Variants in ADK observed in about 807,000 individuals in gnomAD.
ADK encodes adenosine kinase.
A neutral mutation model predicts 44.7 loss-of-function variants in ADK; 24 were observed. The observed-to-expected ratio is 0.54, with a 90% CI of 0.39 to 0.76. The LOEUF is 0.76. ADK is among the 30% of genes least tolerant of loss of function. ADK has a pLI of 0.00. For synonymous variants in ADK, 128 were observed against 142.6 expected (o/e 0.90, Z 0.73); for missense variants, 321 against 425.1 (o/e 0.76, Z 2.15).
chr10:74,425,664 T>C (rs1844767797), intron 6 of ADK, among the ~76,000 whole-genome samples: 1 of 152,252 alleles, frequency 6.6e-6, no homozygotes, highest in African/African-American at 2.4e-5. Context: ...GCCAGTTCTG[T>C]ACATGGCTGT....
At chr10:74,629,003 C>T (rs193042550) in intron 9 of ADK, among the ~76,000 whole-genome samples, 5 of 152,076 alleles carry the variant, frequency 3.3e-5, no homozygotes, top group East Asian at 1.9e-4. Context: ...ATCATCACAA[C>T]GTACATCTGG....
At chr10:74,246,583 AT>A (rs1445547311) in intron 3 of ADK, among the ~76,000 whole-genome samples, 1 of 152,186 alleles carries the variant, frequency 6.6e-6, no homozygotes, top group Non-Finnish European at 1.5e-5. Context: ...AGGAAACTTC[AT>A]TATCATGCCC....
chr10:74,668,794 A>C (rs545843499), intron 9 of ADK, among the ~76,000 whole-genome samples: 36 of 152,278 alleles, frequency 2.4e-4, no homozygotes, highest in Non-Finnish European at 4.4e-4. Context: ...GCACTTTGGG[A>C]GACCAAGGCA....
At chr10:74,195,939 A>G (rs1843131475) in intron 1 of ADK, among the ~76,000 whole-genome samples, 1 of 151,356 alleles carries the variant, frequency 6.6e-6, no homozygotes, top group South Asian at 2.1e-4. Flanking sequence ...AGCCTCCCAA[A>G]GTGCTGAGAT....
At chr10:74,622,052 T>A (rs1296531423) in intron 9 of ADK, among the ~76,000 whole-genome samples, 1 of 152,256 alleles carries the variant, frequency 6.6e-6, no homozygotes, top group African/African-American at 2.4e-5. Flanking sequence ...CTTGGCCTCT[T>A]GTCCTGCTTC....
At chr10:74,546,605 C>T (rs1011644049) in intron 7 of ADK, among the ~76,000 whole-genome samples, 41 of 152,082 alleles carry the variant, frequency 2.7e-4, no homozygotes, top group African/African-American at 9.2e-4. Flanking sequence ...TAAGTTAGAT[C>T]ATTTAAAAAT....
chr10:74,678,326 A>G (rs10762636), intron 10 of ADK, among the ~76,000 whole-genome samples: 103,071 of 151,864 alleles, frequency 0.68, 35,315 homozygotes, highest in Middle Eastern at 0.79. Flanking sequence ...AATTTCATAA[A>G]CACTGTCTAT....
At chr10:74,249,735 T>C (rs935537729) in intron 3 of ADK, among the ~76,000 whole-genome samples, 3 of 152,192 alleles carry the variant, frequency 2.0e-5, no homozygotes, top group African/African-American at 7.2e-5. Context: ...GTTTAAATAG[T>C]TGAGAAATTC....
At chr10:74,310,251 A>G (rs192658336) in intron 3 of ADK, among the ~76,000 whole-genome samples, 141 of 152,296 alleles carry the variant, frequency 9.3e-4, no homozygotes, top group Non-Finnish European at 1.5e-3. Flanking sequence ...TCATGTAAGG[A>G]AAATATATAG....
intron 10 of ADK, among the ~76,000 whole-genome samples, chr10:74,671,478 AGTCTGT>A (rs1198265841): frequency 1.5e-4 from 23 of 152,214 alleles, no homozygotes; most frequent in Admixed American, 6.5e-5. Context: ...CTTTGGAAAG[AGTCTGT>A]ACCACAGACA....
intron 6 of ADK, among the ~76,000 whole-genome samples, chr10:74,406,143 C>T (rs141706088): frequency 1.1e-4 from 16 of 152,232 alleles, no homozygotes; most frequent in African/African-American, 2.9e-4. Context: ...CTCAGAGATA[C>T]GTATTTTTTA....
At chr10:74,325,621 A>G (rs950382907) in intron 4 of ADK, among the ~76,000 whole-genome samples, 6 of 152,142 alleles carry the variant, frequency 3.9e-5, no homozygotes, top group African/African-American at 1.4e-4. Flanking sequence ...TGGATTTTTC[A>G]TATATGGCCT....
At chr10:74,405,763 T>C (rs895260785) in intron 6 of ADK, among the ~76,000 whole-genome samples, 5 of 152,284 alleles carry the variant, frequency 3.3e-5, no homozygotes, top group Middle Eastern at 3.4e-3. Context: ...GCCAAAAACG[T>C]TGGAGACTTT....
At chr10:74,389,201 G>A (rs561762642) in intron 4 of ADK, among the ~76,000 whole-genome samples, 2 of 152,310 alleles carry the variant, frequency 1.3e-5, no homozygotes, top group East Asian at 3.9e-4. Context: ...ACCAAGGGAA[G>A]GTAGGCAGTT....
intron 9 of ADK, among the ~76,000 whole-genome samples, chr10:74,608,590 C>T (rs559029502): frequency 6.6e-6 from 1 of 152,202 alleles, no homozygotes; most frequent in East Asian, 1.9e-4. Flanking sequence ...ACTGCCTGTT[C>T]CTTCCTCTGG....
intron 3 of ADK, among the ~76,000 whole-genome samples, chr10:74,288,845 G>A (rs945004750): frequency 1.3e-5 from 2 of 152,106 alleles, no homozygotes; most frequent in Non-Finnish European, 2.9e-5. Flanking sequence ...TCTAAAATGG[G>A]TAAGTTCATT....
At chr10:74,159,111 A>G (rs1210132594) in intron 1 of ADK, among the ~76,000 whole-genome samples, 2 of 152,308 alleles carry the variant, frequency 1.3e-5, no homozygotes, top group East Asian at 3.9e-4. Flanking sequence ...GCTTCGTACC[A>G]TTTCTTTAAA....
intron 1 of ADK, among the ~76,000 whole-genome samples, chr10:74,177,941 A>T (rs1371408622): frequency 1.3e-3 from 116 of 89,154 alleles, no homozygotes; most frequent in African/African-American, 3.6e-3. Flanking sequence ...ATATATATAT[A>T]TATATTTTTT....
chr10:74,270,452 G>A (rs1846385581), intron 3 of ADK, among the ~76,000 whole-genome samples: 1 of 152,134 alleles, frequency 6.6e-6, no homozygotes, highest in Non-Finnish European at 1.5e-5. Context: ...GCTTCTGCCT[G>A]CCATCTGTTG....
Sources: gnomAD v4.1 joint callset for allele counts (sites outside exome capture counted in the v4.1 genomes callset) on GRCh38, gnomAD v4.1.1 for gene constraint, MANE v1.5 for transcripts, NCBI Gene and HGNC (gene_info 2026-07-23, HGNC 2026-07-21) for gene names.